The following TSPAN15 variants were observed in gnomAD, a reference collection of about 807,000 sequenced individuals.
TSPAN15 encodes the protein tetraspanin-15.
Under a neutral mutation model 34.5 loss-of-function variants are expected in TSPAN15, and 20 were observed. That is an observed-to-expected ratio of 0.58 (90% CI 0.41 to 0.84). TSPAN15 has a LOEUF of 0.84. Ranked by LOEUF, TSPAN15 falls within the 40% of genes least tolerant of loss-of-function variation. The probability of loss-of-function intolerance (pLI) is 0.00; values close to 1 mark genes in which losing one functional copy is unlikely to be tolerated. For missense variants in TSPAN15, 313 were observed against 386.1 expected (o/e 0.81, Z 1.59); for synonymous variants, 155 against 153.9 (o/e 1.01, Z -0.05).
chr10:69,548,200 G>A, the TSPAN15 span, among the ~76,000 whole-genome samples: 2 of 152,330 alleles, frequency 1.3e-5, no homozygotes, highest in Non-Finnish European at 1.5e-5. Flanking sequence ...ACTACAGACA[G>A]TGTGGAGGCA....
At chr10:69,481,293 A>T (rs1014419010) in intron 1 of TSPAN15, among the ~76,000 whole-genome samples, 1 of 152,158 alleles carries the variant, frequency 6.6e-6, no homozygotes, top group African/African-American at 2.4e-5. Context: ...TGTGTGTTGG[A>T]AAGGCATCCT....
At chr10:69,459,118 A>C (rs976185123) in intron 1 of TSPAN15, among the ~76,000 whole-genome samples, 8 of 110,586 alleles carry the variant, frequency 7.2e-5, no homozygotes, top group Middle Eastern at 4.0e-3. Context: ...AAAAAAAAAA[A>C]AAAAAAACAA....
At chr10:69,544,677 G>C in the TSPAN15 span, among the ~76,000 whole-genome samples, 2 of 152,190 alleles carry the variant, frequency 1.3e-5, no homozygotes, top group African/African-American at 2.4e-5. Context: ...GAACGATTGA[G>C]TACTGGATAG....
chr10:69,508,270 A>G (rs1472409071), downstream of TSPAN15, among the ~76,000 whole-genome samples: 2 of 151,278 alleles, frequency 1.3e-5, no homozygotes, highest in African/African-American at 2.4e-5. Context: ...GTGAAACCCC[A>G]TCTCTACTAA....
At chr10:69,530,814 C>CTATATA in the TSPAN15 span, among the ~76,000 whole-genome samples, 8 of 61,344 alleles carry the variant, frequency 1.3e-4, no homozygotes, top group Non-Finnish European at 2.6e-4. Context: ...CTCTCTCTCT[C>CTATATA]TCTCTCTATA....
chr10:69,545,435 C>T, the TSPAN15 span, among the ~76,000 whole-genome samples: 6 of 152,284 alleles, frequency 3.9e-5, no homozygotes, highest in South Asian at 2.1e-4. Flanking sequence ...AAGTCCTCAG[C>T]GGGCTCACCG....
At chr10:69,453,834 C>A (rs1034359136) in intron 1 of TSPAN15, among the ~76,000 whole-genome samples, 1 of 152,226 alleles carries the variant, frequency 6.6e-6, no homozygotes, top group Admixed American at 6.5e-5. Flanking sequence ...ACTTGGAATC[C>A]CTCCTCTGCC....
the TSPAN15 span, among the ~76,000 whole-genome samples, chr10:69,538,985 C>T: frequency 6.6e-6 from 1 of 152,086 alleles, no homozygotes; most frequent in African/African-American, 2.4e-5. Context: ...GGGTAGTCAA[C>T]AGCCTTCAAT....
intron 2 of TSPAN15, among the ~76,000 whole-genome samples, chr10:69,484,738 A>G (rs980727169): frequency 6.6e-6 from 1 of 151,718 alleles, no homozygotes; most frequent in African/African-American, 2.4e-5. Flanking sequence ...GGGAAGTCAC[A>G]TCTGAGGGCT....
In TSPAN15 at chr10:69,504,461, T is replaced by C; in HGVS notation, c.594T>C (p.Cys198=). Residue 198 remains cysteine, a synonymous_variant, in exon 6 of 8, where the codon TGT becomes TGC. Transcript: ENST00000373290. ...AGACAGAAGTTGTCAACACCATGTG[T>C]GGCTACAAAACTATCGACAAGGAGG... ...RNTTEVVNTM[C]GYKTIDKERF... is the part of the protein sequence containing the mutation. 1.2e-6 allele frequency: 2 copies of C among 1,614,150 alleles called. No individual in the cohort carries two copies. The highest frequency in any genetic ancestry group is 1.7e-6 in the Non-Finnish European group (2 of 1,179,958).
At position 69,507,176 on chromosome 10, in the gene TSPAN15, T is replaced by G. The variant is rs903574470; in HGVS notation, c.*198T>G. On this transcript the variant is annotated 3_prime_UTR_variant, in exon 8 of 8. Coordinates refer to ENST00000373290, the MANE Select transcript of TSPAN15 (RefSeq NM_012339.5). ...GAGCCTGGGCCTCCCCTAAGAGGCT[T>G]TCCCCGAGGCAGCTCTGGAATCTGT... 2 of 1,420,256 alleles carry G rather than the reference T, an allele frequency of 1.4e-6. No individual in the cohort carries two copies. The highest frequency in any genetic ancestry group is 3.0e-5 in the African/African-American group (2 of 66,620). 88.0% of individuals were successfully genotyped at this position (1,420,256 alleles called of 1,614,324 possible).
At chr10:69,457,120 G>T (rs1841129367) in intron 1 of TSPAN15, among the ~76,000 whole-genome samples, 1 of 152,216 alleles carries the variant, frequency 6.6e-6, no homozygotes, top group African/African-American at 2.4e-5. Context: ...TTTTAGCACT[G>T]CCCACGGGGT....
intron 1 of TSPAN15, among the ~76,000 whole-genome samples, chr10:69,469,440 A>G (rs1316441469): frequency 6.6e-6 from 1 of 152,140 alleles, no homozygotes; most frequent in African/African-American, 2.4e-5. Context: ...TGGCATCTGA[A>G]GGTCAGGCAA....
At chr10:69,461,438 C>T (rs1841255307) in intron 1 of TSPAN15, among the ~76,000 whole-genome samples, 1 of 152,212 alleles carries the variant, frequency 6.6e-6, no homozygotes, top group African/African-American at 2.4e-5. Context: ...AGAGCCCTCC[C>T]ACTTCCTGCC....
At chr10:69,516,421 G>C in the TSPAN15 span, among the ~76,000 whole-genome samples, 1 of 152,194 alleles carries the variant, frequency 6.6e-6, no homozygotes, top group African/African-American at 2.4e-5. Flanking sequence ...CCCCAGCAGT[G>C]CCTCCACCTG....
the TSPAN15 span, among the ~76,000 whole-genome samples, chr10:69,548,272 A>G: frequency 2.0e-5 from 3 of 152,206 alleles, no homozygotes; most frequent in African/African-American, 7.2e-5. Flanking sequence ...TAGATGATCA[A>G]ACCACATATC....
chr10:69,469,079 G>A (rs1034874628), intron 1 of TSPAN15, among the ~76,000 whole-genome samples: 23 of 86,040 alleles, frequency 2.7e-4, no homozygotes, highest in Non-Finnish European at 6.2e-4. Flanking sequence ...TGGGGGTGGG[G>A]GTTGGGGCTT....
At position 69,495,709 on chromosome 10, in the gene TSPAN15, G is replaced by T. The variant is rs779428885; in HGVS notation, c.453+20G>T. The stretch of plus-strand genomic sequence containing the variant: ...AAAAAGGTGAGCCAGGCGCTTTGGG[G>T]TAGAGATGCGCCTCCCGTGCTCTTA... On this transcript the variant is annotated intron_variant, in intron 4 of 7. Coordinates refer to ENST00000373290, the MANE Select transcript of TSPAN15 (RefSeq NM_012339.5). 5.8e-6 allele frequency: 9 copies of T among 1,549,542 alleles called. No individual in the cohort carries two copies. In the Admixed American group the frequency reaches 1.2e-4, roughly 20 times the overall value.
Position 69,504,680 on chromosome 10 carries a change from G to T in TSPAN15, c.618+195G>T, listed in dbSNP as rs147308553. 5.6e-4 allele frequency among the ~76,000 whole-genome samples: 86 copies of T among 152,298 alleles called. No individual in the cohort carries two copies. In the East Asian group the frequency reaches 0.015, roughly 26 times the overall value. ...CTCAGGGAACCAAGAATTCCCCCAG[G>T]CTGGGAGATGCCGCCTGTCAGGGTT... On this transcript the variant is annotated intron_variant, in intron 6 of 7. Transcript: ENST00000373290.
Sources: gnomAD v4.1 joint callset for allele counts (sites outside exome capture counted in the v4.1 genomes callset) on GRCh38, gnomAD v4.1.1 for gene constraint, MANE v1.5 for transcripts, NCBI Gene and HGNC (gene_info 2026-07-23, HGNC 2026-07-21) for gene names.